Variants in GMPS observed in about 807,000 individuals in gnomAD.
The protein encoded by GMPS is guanosine monophosphate synthase.
In GMPS, 15 loss-of-function variants were observed where a neutral mutation model predicts 77.9. The observed-to-expected ratio is 0.19, with a 90% CI of 0.13 to 0.30. The LOEUF is 0.30. Among genes scored for constraint, GMPS ranks in the 10% least tolerant of loss-of-function variants. The pLI is 1.00. For synonymous variants in GMPS, 224 were observed against 275.9 expected, an observed-to-expected ratio of 0.81 and a Z score of 1.86; for missense variants, 590 against 838.8, an observed-to-expected ratio of 0.70 and a Z score of 3.66.
At chr3:155,935,087 G>T in intron 14 of GMPS, 41 bp downstream of exon 14, 4 of 1,460,046 alleles carry the variant, frequency 2.7e-6, no homozygotes, top group Non-Finnish European at 3.8e-6. Context: ...TCTGAAACTA[G>T]TTTTTGGAAG....
chr3:155,896,385 T>A (rs1173090779), intron 2 of GMPS, among the ~76,000 whole-genome samples: 1 of 152,200 alleles, frequency 6.6e-6, no homozygotes, highest in Non-Finnish European at 1.5e-5. Context: ...AGAATTGTTA[T>A]CTTAAATATC....
rs559494018 is a variant in GMPS at position 155,890,138 on chromosome 3, T to C, written c.28-3380T>C. Among the ~76,000 whole-genome samples, 12 of 152,342 alleles carry C rather than the reference T, an allele frequency of 7.9e-5. No homozygotes were observed. In the South Asian group the frequency reaches 2.5e-3, roughly 32 times the overall value. On this transcript the variant is annotated intron_variant, in intron 1 of 15. Transcript: ENST00000496455. ...CCTGAATTGTCAAAGCTGTGACAGT[T>C]GCTGCATAGGCAAGGTCATACCCAC...
intron 5 of GMPS, among the ~76,000 whole-genome samples, chr3:155,910,392 A>T (rs1755008148): frequency 6.6e-6 from 1 of 151,634 alleles, no homozygotes; most frequent in Non-Finnish European, 1.5e-5. Flanking sequence ...ACATAGTGAA[A>T]CCCTATCTCT....
chr3:155,943,133 A>C lies in GMPS; in HGVS notation c.*5441A>C, dbSNP rs1243440643. ...GTAATCCCAGCTACTCGGAAGGCTG[A>C]GGTGTGAGAATCACTTAAACCCGGG... On this transcript the variant is annotated 3_prime_UTR_variant, in exon 16 of 16. Transcript: ENST00000496455. 1.1e-5 allele frequency: 2 copies of C among 176,216 alleles called. No homozygotes were observed. The highest frequency in any genetic ancestry group is 1.3e-4 in the Admixed American group (2 of 15,780). 10.9% of individuals were successfully genotyped at this position (176,216 alleles called of 1,614,324 possible). A position where few individuals can be genotyped will look rare whatever the true frequency, so the allele number is the denominator to read the frequency against.
chr3:155,887,682 C>T (rs1238803900), intron 1 of GMPS, among the ~76,000 whole-genome samples: 3 of 152,050 alleles, frequency 2.0e-5, no homozygotes, highest in African/African-American at 4.8e-5. Context: ...TCAATGTTAA[C>T]TTTCTTGGAT....
intron 5 of GMPS, among the ~76,000 whole-genome samples, chr3:155,908,680 C>T (rs1298131720): frequency 6.6e-6 from 1 of 152,084 alleles, no homozygotes; most frequent in Admixed American, 6.5e-5. Flanking sequence ...TTTTAGCTCC[C>T]AAGTTTTTTT....
At chr3:155,893,163 G>A (rs1212112794) in intron 1 of GMPS, among the ~76,000 whole-genome samples, 3 of 152,184 alleles carry the variant, frequency 2.0e-5, no homozygotes, top group Non-Finnish European at 4.4e-5. Flanking sequence ...AGGATGCACT[G>A]TTAATAATAA....
At chr3:155,923,954 C>A (rs935270530) in intron 11 of GMPS, among the ~76,000 whole-genome samples, 2 of 152,088 alleles carry the variant, frequency 1.3e-5, no homozygotes, top group South Asian at 4.1e-4. Context: ...GATCTTGGCT[C>A]ACTGCAACCT....
Position 155,870,760 on chromosome 3 carries a change from C to T in GMPS, c.-111C>T, listed in dbSNP as rs990286281. ...TGGCTCCTCTCCGCTGCCGGCTGCT[C>T]CTCGACCAGGCCTCCTTCTCAACCT... On this transcript the variant is annotated 5_prime_UTR_variant, in exon 1 of 16. Coordinates refer to ENST00000496455, the MANE Select transcript of GMPS (RefSeq NM_003875.3). 5 of 706,856 alleles carry T rather than the reference C, an allele frequency of 7.1e-6. No homozygotes were observed. The highest frequency in any genetic ancestry group is 1.6e-5 in the South Asian group (1 of 60,990). The allele number at this position is 706,856 out of a possible 1,614,324, so 43.8% of individuals were successfully genotyped here.
intron 1 of GMPS, among the ~76,000 whole-genome samples, chr3:155,873,161 A>G (rs879348504): frequency 6.6e-6 from 1 of 152,200 alleles, no homozygotes; most frequent in South Asian, 2.1e-4. Flanking sequence ...TTTCTGGTAC[A>G]TTTCAGTTAT....
chr3:155,903,796 A>T, intron 3 of GMPS, 67 bp from the exon 4 acceptor site: 1 of 636,272 alleles, frequency 1.6e-6, no homozygotes. Flanking sequence ...TAAATTATTA[A>T]ATCAGTATAA....
intron 10 of GMPS, among the ~76,000 whole-genome samples, chr3:155,921,175 C>A (rs1257978443): frequency 1.3e-5 from 2 of 152,092 alleles, no homozygotes; most frequent in Non-Finnish European, 1.5e-5. Context: ...ATCTCTTGAA[C>A]CTGGGAGGTG....
intron 14 of GMPS, among the ~76,000 whole-genome samples, chr3:155,935,941 A>G (rs930167396): frequency 4.4e-4 from 67 of 152,248 alleles, no homozygotes; most frequent in Admixed American, 5.2e-4. Flanking sequence ...ACAAGGTTAT[A>G]TATTAATCAG....
At chr3:155,907,922 C>CA (rs1171543334) in intron 5 of GMPS, among the ~76,000 whole-genome samples, 1 of 152,052 alleles carries the variant, frequency 6.6e-6, no homozygotes, top group Non-Finnish European at 1.5e-5. Flanking sequence ...GTGGTTGGAG[C>CA]AGAGTAAGCA....
In GMPS at chr3:155,939,603, C is replaced by T. The variant is rs1316745285; in HGVS notation, c.*1911C>T. On this transcript the variant is annotated 3_prime_UTR_variant, in exon 16 of 16. Coordinates refer to ENST00000496455, the MANE Select transcript of GMPS (RefSeq NM_003875.3). ...AGTTAAAAACAATTGTTAAATTCTG[C>T]TTAAATTAGTGTTTTCCTGATATTT... 1.5e-5 allele frequency: 3 copies of T among 197,622 alleles called. No homozygotes were observed. Among genetic ancestry groups the T allele is most frequent in the Non-Finnish European group, 3.1e-5 (3 of 95,364 alleles). 12.2% of individuals were successfully genotyped at this position (197,622 alleles called of 1,614,324 possible).
At chr3:155,898,184 G>T in intron 3 of GMPS, 143 bp downstream of exon 3, 1 of 646,138 alleles carries the variant, frequency 1.5e-6, no homozygotes. Context: ...TATGTGAATT[G>T]CCACACTAGT....
intron 11 of GMPS, among the ~76,000 whole-genome samples, chr3:155,923,667 T>C (rs900478627): frequency 5.9e-5 from 9 of 152,218 alleles, no homozygotes; most frequent in Non-Finnish European, 4.4e-5. Flanking sequence ...AATAAAGTTA[T>C]TTCGAGATTA....
In GMPS at chr3:155,941,289, A is replaced by T. The variant is rs1033928708; in HGVS notation, c.*3597A>T. The T allele has an allele frequency of 1.1e-5, 2 of 177,070 alleles. No homozygotes were observed. Among genetic ancestry groups the T allele is most frequent in the African/African-American group, 4.7e-5 (2 of 42,294 alleles). 11.0% of individuals were successfully genotyped at this position (177,070 alleles called of 1,614,324 possible). ...CGCGGTGGCGGGTGCCTGTAGTCCC[A>T]GCTACTCGGGAGGCTGAGGCAGGAG... is the stretch of plus-strand genomic sequence containing the variant. On this transcript the variant is annotated 3_prime_UTR_variant, in exon 16 of 16. Coordinates refer to ENST00000496455, the MANE Select transcript of GMPS (RefSeq NM_003875.3).
chr3:155,908,434 C>A (rs1202672427), intron 5 of GMPS, among the ~76,000 whole-genome samples: 1 of 152,196 alleles, frequency 6.6e-6, no homozygotes, highest in Non-Finnish European at 1.5e-5. Context: ...TCCCCCTTAC[C>A]CTTCAAAGTG....
Sources: allele counts gnomAD v4.1 joint callset (sites outside exome capture counted in the v4.1 genomes callset), GRCh38; gene constraint gnomAD v4.1.1; transcripts MANE v1.5; gene names NCBI Gene and HGNC (gene_info 2026-07-23, HGNC 2026-07-21).